The following CLDN20 variants were observed in gnomAD, a reference collection of about 807,000 sequenced individuals.
CLDN20 encodes claudin-20.
For synonymous variants in CLDN20, 104 were observed against 103.6 expected (o/e 1.00, Z -0.03); for missense variants, 258 against 267.9 (o/e 0.96, Z 0.26).
intron 1 of CLDN20, among the ~76,000 whole-genome samples, chr6:155,269,830 A>G (rs779722425): frequency 3.3e-5 from 5 of 152,234 alleles, no homozygotes; most frequent in Non-Finnish European, 7.3e-5. Context: ...TTCAAGTGCA[A>G]TTTATAGTTT....
chr6:155,275,027 G>A (rs1583328700), intron 1 of CLDN20, among the ~76,000 whole-genome samples: 1 of 151,758 alleles, frequency 6.6e-6, no homozygotes, highest in East Asian at 1.9e-4. Flanking sequence ...GACCATCCTG[G>A]CTAACAGGGT....
At chr6:155,269,230 T>C (rs184072815) in intron 1 of CLDN20, among the ~76,000 whole-genome samples, 114 of 151,942 alleles carry the variant, frequency 7.5e-4, no homozygotes, top group Non-Finnish European at 1.3e-3. Context: ...AAAATCATTG[T>C]TTTGGGACTC....
At chr6:155,271,921 T>C (rs908808788) in intron 1 of CLDN20, among the ~76,000 whole-genome samples, 5 of 152,176 alleles carry the variant, frequency 3.3e-5, no homozygotes. Flanking sequence ...ATTCCCTCCC[T>C]TCCCCGCCTC....
chr6:155,272,441 G>C (rs117064462), intron 1 of CLDN20, among the ~76,000 whole-genome samples: 22 of 152,054 alleles, frequency 1.4e-4, no homozygotes, highest in Non-Finnish European at 3.2e-4. Flanking sequence ...GACCATGAGA[G>C]AGTTTTCACT....
In CLDN20 at chr6:155,276,528, T is replaced by C. The variant is rs1785230990; in HGVS notation, c.*149T>C. ...ACTACAAAGTAGTTTAAAATGCCAATAAAACTATCATATACAATTACATCT... is the reference window on the plus strand; with the variant it reads ...ACTACAAAGTAGTTTAAAATGCCAACAAAACTATCATATACAATTACATCT... On this transcript the variant is annotated 3_prime_UTR_variant, in exon 2 of 2. Coordinates refer to ENST00000367165, the MANE Select transcript of CLDN20 (RefSeq NM_001001346.3). 3.0e-6 allele frequency: 2 copies of C among 675,564 alleles called. No individual in the cohort carries two copies. Among genetic ancestry groups the C allele is most frequent in the Non-Finnish European group, 5.0e-6 (2 of 398,474 alleles). The allele number at this position is 675,564 out of a possible 1,614,324, so 41.8% of individuals were successfully genotyped here.
chr6:155,269,306 T>C (rs1298390470), intron 1 of CLDN20, among the ~76,000 whole-genome samples: 3 of 95,708 alleles, frequency 3.1e-5, no homozygotes, highest in African/African-American at 1.3e-4. Context: ...GTAGCTTAGT[T>C]TTCTTTTCTT....
chr6:155,274,348 G>A (rs6557414), intron 1 of CLDN20, among the ~76,000 whole-genome samples: 5 of 152,070 alleles, frequency 3.3e-5, no homozygotes, highest in African/African-American at 1.2e-4. Flanking sequence ...AGATGGAATC[G>A]AAAGCCTTTT....
At position 155,276,325 on chromosome 6, in the gene CLDN20, C is replaced by G. The variant is rs1460511661; in HGVS notation, c.606C>G (p.Ile202Met). 3.1e-6 allele frequency: 5 copies of G among 1,613,700 alleles called. No individual in the cohort carries two copies. Among genetic ancestry groups the G allele is most frequent in the Non-Finnish European group, 4.2e-6 (5 of 1,180,014 alleles). The change falls in exon 2 of 2, where the codon ATC becomes ATG. Residue 202 changes from isoleucine (I) to methionine (M), a missense_variant. Physicochemically the swap from Ile to Met is conservative, Grantham distance 10. Coordinates refer to ENST00000367165, the MANE Select transcript of CLDN20 (RefSeq NM_001001346.3). ...TCGACCCACCCACACAGCAGCCTAT[C>G]TCTAACACACAGCTCGAGAACAATT... Reference protein sequence around the residue: ...ARLDPPTQQPISNTQLENNST... With the variant: ...ARLDPPTQQPMSNTQLENNST...
At chr6:155,269,033 G>A (rs993994901) in intron 1 of CLDN20, among the ~76,000 whole-genome samples, 1 of 147,730 alleles carries the variant, frequency 6.8e-6, no homozygotes, top group Non-Finnish European at 1.5e-5. Flanking sequence ...AAGAAAGATG[G>A]ACTGCAATCA....
At chr6:155,268,111 T>C (rs1180329174) in intron 1 of CLDN20, among the ~76,000 whole-genome samples, 1 of 152,240 alleles carries the variant, frequency 6.6e-6, no homozygotes, top group Non-Finnish European at 1.5e-5. Context: ...ACCCTTTATC[T>C]TGAATCCATT....
intron 1 of CLDN20, among the ~76,000 whole-genome samples, chr6:155,275,028 C>T (rs2114710166): frequency 6.6e-6 from 1 of 151,680 alleles, no homozygotes; most frequent in African/African-American, 2.4e-5. Context: ...ACCATCCTGG[C>T]TAACAGGGTG....
chr6:155,275,399 T>C (rs1785140264), intron 1 of CLDN20, among the ~76,000 whole-genome samples: 1 of 152,182 alleles, frequency 6.6e-6, no homozygotes, highest in African/African-American at 2.4e-5. Flanking sequence ...GGGCAACTGC[T>C]TTCTTTATGC....
intron 1 of CLDN20, among the ~76,000 whole-genome samples, chr6:155,270,327 G>A (rs1034481523): frequency 2.6e-5 from 4 of 152,124 alleles, no homozygotes; most frequent in Non-Finnish European, 5.9e-5. Flanking sequence ...TTTAAGCTGA[G>A]GGGTCATAAG....
chr6:155,271,529 T>C (rs1463842932), intron 1 of CLDN20, among the ~76,000 whole-genome samples: 1 of 152,222 alleles, frequency 6.6e-6, no homozygotes, highest in East Asian at 1.9e-4. Context: ...TGCTGGGTTT[T>C]CTTTTTTCTT....
At chr6:155,267,791 C>T (rs956120133) in intron 1 of CLDN20, among the ~76,000 whole-genome samples, 1 of 152,178 alleles carries the variant, frequency 6.6e-6, no homozygotes, top group Non-Finnish European at 1.5e-5. Context: ...TCAACCTTCA[C>T]ACAGCCAAGA....
At chr6:155,272,889 T>C (rs764020230) in intron 1 of CLDN20, among the ~76,000 whole-genome samples, 1 of 152,138 alleles carries the variant, frequency 6.6e-6, no homozygotes. Flanking sequence ...CTGAAAGTTA[T>C]AAAATATATC....
At chr6:155,272,864 C>T (rs1371046354) in intron 1 of CLDN20, among the ~76,000 whole-genome samples, 1 of 152,168 alleles carries the variant, frequency 6.6e-6, no homozygotes, top group Non-Finnish European at 1.5e-5. Context: ...AAACTGTCTT[C>T]ATGTCTGAAA....
intron 1 of CLDN20, among the ~76,000 whole-genome samples, chr6:155,267,985 C>T (rs1368930827): frequency 1.3e-5 from 2 of 152,150 alleles, no homozygotes; most frequent in African/African-American, 2.4e-5. Context: ...AGCCCAAAGC[C>T]CCTTCTACAA....
chr6:155,269,614 G>A (rs1190976158), intron 1 of CLDN20, among the ~76,000 whole-genome samples: 4 of 152,034 alleles, frequency 2.6e-5, no homozygotes, highest in African/African-American at 9.7e-5. Flanking sequence ...GAGCCACCAC[G>A]CCCGGCCAGT....
Sources: allele counts gnomAD v4.1 joint callset (sites outside exome capture counted in the v4.1 genomes callset), GRCh38; gene constraint gnomAD v4.1.1; transcripts MANE v1.5; gene names NCBI Gene and HGNC (gene_info 2026-07-23, HGNC 2026-07-21).